The following RASEF variants were observed in gnomAD, a reference collection of about 807,000 sequenced individuals.
RASEF encodes RAS and EF-hand domain containing.
RASEF carries 68 observed loss-of-function variants against 90.1 expected under a neutral mutation model. The ratio of observed to expected loss-of-function variants is 0.75; its 90% CI spans 0.62 to 0.92. The LOEUF is 0.92. Ranked by LOEUF, RASEF falls within the 40% of genes least tolerant of loss-of-function variation. The probability of loss-of-function intolerance (pLI) is 0.00; values close to 1 mark genes in which losing one functional copy is unlikely to be tolerated. For synonymous variants in RASEF, 331 were observed against 345.2 expected, an observed-to-expected ratio of 0.96 and a Z score of 0.46; for missense variants, 949 against 937.2, an observed-to-expected ratio of 1.01 and a Z score of -0.16.
chr9:83,217,192 C>T, the RASEF span, among the ~76,000 whole-genome samples: 1 of 152,118 alleles, frequency 6.6e-6, no homozygotes, highest in East Asian at 1.9e-4. Context: ...TTATCCGATG[C>T]TTTTACCCCC....
upstream of RASEF, among the ~76,000 whole-genome samples, chr9:83,066,934 G>A (rs117173513): frequency 0.01 from 1,548 of 152,280 alleles, 12 homozygotes; most frequent in Middle Eastern, 0.027. Context: ...ACATACTTGA[G>A]GAGACCTCGT....
the RASEF span, among the ~76,000 whole-genome samples, chr9:83,159,495 G>T: frequency 6.6e-6 from 1 of 152,004 alleles, no homozygotes; most frequent in African/African-American, 2.4e-5. Flanking sequence ...TAAAAGCAAG[G>T]GAGAACCTTA....
chr9:83,083,903 C>T, the RASEF span, among the ~76,000 whole-genome samples: 1 of 152,074 alleles, frequency 6.6e-6, no homozygotes, highest in Non-Finnish European at 1.5e-5. Flanking sequence ...ACCAATGAAA[C>T]AATCAAAGAT....
At chr9:83,131,272 C>A in the RASEF span, among the ~76,000 whole-genome samples, 1 of 151,750 alleles carries the variant, frequency 6.6e-6, no homozygotes, top group Non-Finnish European at 1.5e-5. Context: ...ACATAAATGC[C>A]AATAACAGAG....
At chr9:83,167,851 C>A in the RASEF span, among the ~76,000 whole-genome samples, 1 of 152,142 alleles carries the variant, frequency 6.6e-6, no homozygotes, top group Non-Finnish European at 1.5e-5. Flanking sequence ...ACCGCTTTTA[C>A]TGCTGAAAGA....
the RASEF span, among the ~76,000 whole-genome samples, chr9:83,113,799 T>C: frequency 3.9e-5 from 6 of 152,180 alleles, no homozygotes; most frequent in Non-Finnish European, 5.9e-5. Context: ...TGTTAAGATG[T>C]TTATCAAGAC....
intron 14 of RASEF, among the ~76,000 whole-genome samples, chr9:82,996,010 C>T (rs1301702501): frequency 1.3e-5 from 2 of 152,138 alleles, no homozygotes; most frequent in Non-Finnish European, 2.9e-5. Context: ...TAAATGTAAA[C>T]ACACTTTCAC....
the RASEF span, among the ~76,000 whole-genome samples, chr9:83,152,706 A>G: frequency 2.0e-5 from 3 of 148,930 alleles, no homozygotes; most frequent in Admixed American, 2.0e-4. Flanking sequence ...TTCTCTGAAT[A>G]TATATGCGCA....
the RASEF span, among the ~76,000 whole-genome samples, chr9:83,139,017 C>A: frequency 1.1e-4 from 17 of 152,058 alleles, no homozygotes; most frequent in Non-Finnish European, 2.1e-4. Context: ...AAACATCAGG[C>A]TCTCTGTAAG....
At chr9:83,181,155 T>C in the RASEF span, among the ~76,000 whole-genome samples, 4 of 141,140 alleles carry the variant, frequency 2.8e-5, no homozygotes, top group East Asian at 8.1e-4. Context: ...CATCAGGAGG[T>C]ATATGTCCAG....
At position 83,005,358 on chromosome 9, in the gene RASEF, C is replaced by T. The variant is rs1829110033; in HGVS notation, c.1113+58G>A. 4.1e-6 allele frequency: 5 copies of T among 1,234,002 alleles called. No homozygotes were observed. The African/African-American group carries it at 4.4e-5, about 11-fold the overall frequency. The allele number at this position is 1,234,002 out of a possible 1,614,324, so 76.4% of individuals were successfully genotyped here. A position where few individuals can be genotyped will look rare whatever the true frequency, so the allele number is the denominator to read the frequency against. On this transcript the variant is annotated intron_variant, in intron 8 of 16. Transcript: ENST00000376447. ...TAAGAAATTACATTATTTTCATCAA[C>T]ACCAAAATACTCCACCACTAGAAAG...
the RASEF span, among the ~76,000 whole-genome samples, chr9:83,103,588 CATGA>C: frequency 6.6e-6 from 1 of 151,948 alleles, no homozygotes; most frequent in African/African-American, 2.4e-5. Context: ...TTTGAGTATT[CATGA>C]ATGTTTGCAT....
chr9:83,083,158 C>T, the RASEF span, among the ~76,000 whole-genome samples: 8 of 152,236 alleles, frequency 5.3e-5, no homozygotes, highest in South Asian at 1.5e-3. Context: ...GTTGGTTACA[C>T]ATTACAATTC....
the RASEF span, among the ~76,000 whole-genome samples, chr9:83,191,098 G>T: frequency 6.6e-6 from 1 of 152,100 alleles, no homozygotes. Flanking sequence ...TAGCACTTAA[G>T]GCCAAACAGA....
chr9:83,030,869 A>G (rs1829632711), intron 1 of RASEF, among the ~76,000 whole-genome samples: 1 of 151,384 alleles, frequency 6.6e-6, no homozygotes, highest in Non-Finnish European at 1.5e-5. Flanking sequence ...CACTTTCTCA[A>G]TTTCTCTCTC....
At chr9:83,091,660 A>C in the RASEF span, among the ~76,000 whole-genome samples, 2,144 of 152,292 alleles carry the variant, frequency 0.014, 53 homozygotes, top group African/African-American at 0.048. Context: ...TGTTTGCCGC[A>C]GCTGTTATCC....
the RASEF span, among the ~76,000 whole-genome samples, chr9:83,202,738 T>C: frequency 6.6e-6 from 1 of 152,234 alleles, no homozygotes; most frequent in African/African-American, 2.4e-5. Flanking sequence ...CCTCAGGTGA[T>C]CCTCCCACCT....
At position 83,015,844 on chromosome 9, in the gene RASEF, T is replaced by A; in HGVS notation, c.726A>T (p.Glu242Asp). Residue 242 changes from glutamate to aspartate, a missense_variant, in exon 4 of 17, where the codon GAA becomes GAT. Transcript: ENST00000376447. Reference sequence around the variant, plus strand: ...TAATGGTCACCTGCAGATCTCCTACTTCAGTTTCATACTGACGTCTGAGGT... The same window carrying A: ...TAATGGTCACCTGCAGATCTCCTACATCAGTTTCATACTGACGTCTGAGGT... ...LSDLRRQYET[E>D]VGDLQVTIKK... 6.2e-7 allele frequency: 1 copy of A among 1,614,120 alleles called. No individual in the cohort carries two copies. Among genetic ancestry groups the A allele is most frequent in the Non-Finnish European group, 8.5e-7 (1 of 1,179,986 alleles).
At chr9:83,005,189 A>G (rs1234048756) in intron 8 of RASEF, among the ~76,000 whole-genome samples, 1 of 152,184 alleles carries the variant, frequency 6.6e-6, no homozygotes, top group Non-Finnish European at 1.5e-5. Context: ...GATTCCTAGA[A>G]CATCTATAAA....
Sources: gnomAD v4.1 joint callset for allele counts (sites outside exome capture counted in the v4.1 genomes callset) on GRCh38, gnomAD v4.1.1 for gene constraint, MANE v1.5 for transcripts, NCBI Gene and HGNC (gene_info 2026-07-23, HGNC 2026-07-21) for gene names.